The following MBOAT2 variants were observed in gnomAD, a reference collection of about 807,000 sequenced individuals.
The protein encoded by MBOAT2 is membrane bound glycerophospholipid O-acyltransferase 2.
MBOAT2 carries 28 observed loss-of-function variants against 63.4 expected under a neutral mutation model. The ratio of observed to expected loss-of-function variants is 0.44; its 90% confidence interval spans 0.33 to 0.61. The LOEUF (loss-of-function observed/expected upper bound fraction) is 0.61. MBOAT2 is among the 20% of genes least tolerant of loss of function. The probability of loss-of-function intolerance (pLI) is 0.03; values close to 1 mark genes in which losing one functional copy is unlikely to be tolerated. For synonymous variants in MBOAT2, 211 were observed against 215.6 expected (o/e 0.98, Z 0.19); for missense variants, 470 against 605.8 (o/e 0.78, Z 2.35).
At chr2:8,873,050 C>A in intron 8 of MBOAT2, 58 bp downstream of exon 8, 2 of 1,491,512 alleles carry the variant, frequency 1.3e-6, no homozygotes, top group Non-Finnish European at 1.8e-6. Context: ...AGCAATCTAT[C>A]GACAAGGTAA....
intron 6 of MBOAT2, 147 bp from the exon 7 acceptor site, chr2:8,877,360 T>A: frequency 1.3e-6 from 1 of 756,598 alleles, no homozygotes; most frequent in Non-Finnish European, 2.1e-6. Flanking sequence ...ATTTTAAGGA[T>A]CAGAACATAG....
intron 1 of MBOAT2, among the ~76,000 whole-genome samples, chr2:8,986,262 G>A (rs1671558672): frequency 1.3e-5 from 2 of 149,802 alleles, no homozygotes; most frequent in South Asian, 4.2e-4. Flanking sequence ...TCTGGAGGAA[G>A]CTAAGGAGAC....
At chr2:8,968,034 G>T (rs1670128766) in intron 1 of MBOAT2, among the ~76,000 whole-genome samples, 1 of 152,042 alleles carries the variant, frequency 6.6e-6, no homozygotes, top group Admixed American at 6.5e-5. Context: ...GAGAGTAGTG[G>T]TTCTTCGAGC....
chr2:8,969,040 G>A (rs373767053), intron 1 of MBOAT2, among the ~76,000 whole-genome samples: 4 of 151,568 alleles, frequency 2.6e-5, no homozygotes, highest in Middle Eastern at 3.2e-3. Context: ...GCCACTCCTC[G>A]AGAAGTGCAA....
Position 9,003,603 on chromosome 2 carries a change from G to A in MBOAT2, c.12C>T (p.Thr4=). The A allele has an allele frequency of 8.3e-7, 1 of 1,206,686 alleles. No homozygotes were observed. The highest frequency in any genetic ancestry group is 1.0e-6 in the Non-Finnish European group (1 of 968,742). The allele number at this position is 1,206,686 out of a possible 1,614,324, so 74.7% of individuals were successfully genotyped here. A position where few individuals can be genotyped will look rare whatever the true frequency, so the allele number is the denominator to read the frequency against. MAT[T]STTGSTLLQP... is the part of the protein sequence containing the mutation. ...GCAGCAGGGTGGAGCCCGTGGTGCT[G>A]GTGGTGGCCATGGCCGGGCCTCGGC... Residue 4 remains threonine, a synonymous_variant, in exon 1 of 13, where the codon ACC becomes ACT. Coordinates refer to ENST00000305997, the MANE Select transcript of MBOAT2 (RefSeq NM_138799.4). The surrounding 1 kb of genome is among the most constrained non-coding windows in gnomAD (Gnocchi z 5.4).
At chr2:8,860,012 C>T (rs994838508) in intron 12 of MBOAT2, among the ~76,000 whole-genome samples, 1 of 151,884 alleles carries the variant, frequency 6.6e-6, no homozygotes, top group Non-Finnish European at 1.5e-5. Flanking sequence ...GGTGAAACCC[C>T]ATCTCTACTA....
intron 1 of MBOAT2, among the ~76,000 whole-genome samples, chr2:8,993,516 C>G (rs984775417): frequency 2.0e-5 from 3 of 152,120 alleles, no homozygotes; most frequent in Non-Finnish European, 4.4e-5. Flanking sequence ...TTCCTAGCCC[C>G]TAACCTGCCT....
At position 8,897,518 on chromosome 2, in the gene MBOAT2, T is replaced by C. The variant is rs1045693412; in HGVS notation, c.396-9445A>G. Among the ~76,000 whole-genome samples the C allele has an allele frequency of 2.6e-5, 4 of 152,374 alleles. No individual in the cohort carries two copies. The South Asian group carries it at 8.3e-4, about 32-fold the overall frequency. On this transcript the variant is annotated intron_variant, in intron 4 of 12. Coordinates refer to ENST00000305997, the MANE Select transcript of MBOAT2 (RefSeq NM_138799.4). The stretch of plus-strand genomic sequence containing the variant: ...GGATTAGATAAGCATACTTGCTATC[T>C]GTATACACATTTATTCTTTTTCCCC...
chr2:8,912,354 A>AG (rs1665807966), intron 3 of MBOAT2, among the ~76,000 whole-genome samples: 3 of 106,076 alleles, frequency 2.8e-5, no homozygotes, highest in African/African-American at 1.2e-4. Flanking sequence ...AAAGAAAGAG[A>AG]AAGAAAGAAA....
At chr2:8,913,836 A>G (rs1665957126) in intron 3 of MBOAT2, among the ~76,000 whole-genome samples, 1 of 126,978 alleles carries the variant, frequency 7.9e-6, no homozygotes. Flanking sequence ...TACCCAGAGG[A>G]AAAAAAAGTC....
At chr2:8,929,524 T>C (rs1667171095) in intron 3 of MBOAT2, among the ~76,000 whole-genome samples, 1 of 152,206 alleles carries the variant, frequency 6.6e-6, no homozygotes, top group Non-Finnish European at 1.5e-5. Flanking sequence ...GCTAATCTTT[T>C]GTATTTTTTG....
intron 1 of MBOAT2, among the ~76,000 whole-genome samples, chr2:8,976,772 A>C (rs999285830): frequency 1.3e-5 from 2 of 152,174 alleles, no homozygotes; most frequent in Non-Finnish European, 2.9e-5. Flanking sequence ...GCTGAAAGGA[A>C]AAAGAAAGTA....
intron 2 of MBOAT2, among the ~76,000 whole-genome samples, chr2:8,944,886 G>T (rs1668305773): frequency 6.6e-6 from 1 of 152,152 alleles, no homozygotes; most frequent in South Asian, 2.1e-4. Context: ...AGGTGACAAG[G>T]TCTGCTAGAA....
chr2:8,947,664 G>C (rs982320934), intron 2 of MBOAT2, among the ~76,000 whole-genome samples: 1 of 152,162 alleles, frequency 6.6e-6, no homozygotes, highest in African/African-American at 2.4e-5. Flanking sequence ...GAAAAACAAA[G>C]TCTGAACCAC....
chr2:8,938,879 G>A (rs1030420007), intron 3 of MBOAT2, among the ~76,000 whole-genome samples: 19 of 152,242 alleles, frequency 1.2e-4, no homozygotes, highest in African/African-American at 3.6e-4. Context: ...AAGAGTCCTC[G>A]TATCTAATTC....
At chr2:8,908,854 TAATA>T in intron 3 of MBOAT2, 138 bp from the exon 4 acceptor site, 1 of 552,034 alleles carries the variant, frequency 1.8e-6, no homozygotes, top group Non-Finnish European at 3.2e-6. Context: ...CACCCTTCTT[TAATA>T]AATTATGAAA....
intron 1 of MBOAT2, among the ~76,000 whole-genome samples, chr2:8,964,160 T>C (rs995649571): frequency 6.6e-6 from 1 of 152,246 alleles, no homozygotes; most frequent in Non-Finnish European, 1.5e-5. Flanking sequence ...CTGGCCCTAT[T>C]CCTTCCACCC....
At chr2:8,861,702 C>T (rs1661511113) in intron 11 of MBOAT2, among the ~76,000 whole-genome samples, 1 of 152,180 alleles carries the variant, frequency 6.6e-6, no homozygotes, top group East Asian at 1.9e-4. Context: ...CTAATGGGGC[C>T]ATCTCTAATT....
chr2:8,995,590 ATTTT>A (rs34038834), intron 1 of MBOAT2, among the ~76,000 whole-genome samples: 1 of 134,404 alleles, frequency 7.4e-6, no homozygotes. Flanking sequence ...AATACATTCC[ATTTT>A]TTTTTTTTTT....
Sources: allele counts gnomAD v4.1 joint callset (sites outside exome capture counted in the v4.1 genomes callset), GRCh38; gene constraint gnomAD v4.1.1; non-coding constraint Gnocchi (gnomAD v3.1); transcripts MANE v1.5; gene names NCBI Gene and HGNC (gene_info 2026-07-23, HGNC 2026-07-21).